Variants in FARS2 observed in about 807,000 individuals in gnomAD.
FARS2 encodes phenylalanine--tRNA ligase, mitochondrial.
In FARS2, 40 loss-of-function variants were observed where a neutral mutation model predicts 46.4. The observed-to-expected ratio is 0.86, with a 90% CI of 0.67 to 1.12. FARS2 has a LOEUF of 1.12. Ranked by LOEUF, FARS2 falls within the 50% of genes most tolerant of loss-of-function variation. The pLI, the probability that FARS2 is intolerant of heterozygous loss-of-function variation, is 0.00. For synonymous variants in FARS2, 234 were observed against 214.9 expected, an observed-to-expected ratio of 1.09 and a Z score of -0.78; for missense variants, 513 against 567.9, an observed-to-expected ratio of 0.90 and a Z score of 0.98.
chr6:5,404,472 A>G, intron 2 of FARS2, 70 bp from the exon 3 acceptor site: 1 of 1,076,316 alleles, frequency 9.3e-7, no homozygotes, highest in Non-Finnish European at 1.3e-6. Context: ...TTCTTAGCAG[A>G]ATTTTAAAGT....
At chr6:5,688,731 G>A (rs1407541806) in intron 6 of FARS2, among the ~76,000 whole-genome samples, 2 of 152,162 alleles carry the variant, frequency 1.3e-5, no homozygotes, top group Non-Finnish European at 2.9e-5. Context: ...GAGTTAGGGA[G>A]GATTCCCCCT....
At chr6:5,412,005 G>C (rs2432769) in intron 3 of FARS2, among the ~76,000 whole-genome samples, 50,361 of 152,094 alleles carry the variant, frequency 0.33, 8,965 homozygotes, top group African/African-American at 0.45. Context: ...CTAAACATTG[G>C]CATTTCCCTT....
chr6:5,627,060 C>T (rs879846512), intron 6 of FARS2, among the ~76,000 whole-genome samples: 1 of 152,226 alleles, frequency 6.6e-6, no homozygotes, highest in Non-Finnish European at 1.5e-5. Flanking sequence ...CACCGCATCA[C>T]CACAAATGCA....
chr6:5,555,118 G>A (rs1031247987), intron 5 of FARS2, among the ~76,000 whole-genome samples: 4 of 152,092 alleles, frequency 2.6e-5, no homozygotes, highest in African/African-American at 9.7e-5. Flanking sequence ...TCGTGATAGT[G>A]AGTAAGTCTC....
At chr6:5,322,405 G>C (rs1175247613) in intron 1 of FARS2, among the ~76,000 whole-genome samples, 2 of 152,184 alleles carry the variant, frequency 1.3e-5, no homozygotes, top group African/African-American at 2.4e-5. Context: ...ACAATGAAGA[G>C]TGTTTGTCCC....
At position 5,311,926 on chromosome 6, in the gene FARS2, G is replaced by A. The variant is rs1769103852; in HGVS notation, c.-22+50266G>A. ...CCTCAAGTGAATTTGCCCATTGTAG[G>A]TTTGTCTGGGGGAGTGTAAGTTAGT... On this transcript the variant is annotated intron_variant, in intron 1 of 6. Coordinates refer to ENST00000274680, the MANE Select transcript of FARS2 (RefSeq NM_006567.5). This position sits in a 1 kb window ranked among gnomAD's most constrained non-coding sequence, Gnocchi z 4.1. Among the ~76,000 whole-genome samples, 1 of 152,132 alleles carries A rather than the reference G, an allele frequency of 6.6e-6. No homozygotes were observed. The highest frequency in any genetic ancestry group is 1.5e-5 in the Non-Finnish European group (1 of 68,012).
chr6:5,652,642 A>G lies in FARS2; in HGVS notation c.1217+39322A>G, dbSNP rs1300658556. On this transcript the variant is annotated intron_variant, in intron 6 of 6. Transcript: ENST00000274680. Reference sequence around the variant, plus strand: ...TTGCCAACTTCCAGGGAAGGACAGAAAAGCAGGGGATTCTGTTGACAGAGA... The same window carrying G: ...TTGCCAACTTCCAGGGAAGGACAGAGAAGCAGGGGATTCTGTTGACAGAGA... Among the ~76,000 whole-genome samples the G allele has an allele frequency of 3.3e-5, 5 of 152,248 alleles. No homozygotes were observed. The South Asian group carries it at 8.3e-4, about 25-fold the overall frequency.
chr6:5,576,633 A>T (rs372139247), intron 5 of FARS2, among the ~76,000 whole-genome samples: 1 of 48,838 alleles, frequency 2.0e-5, no homozygotes, highest in Non-Finnish European at 4.9e-5. Context: ...TCATATATTA[A>T]CATATATATA....
chr6:5,596,389 A>G (rs376577763), intron 5 of FARS2, among the ~76,000 whole-genome samples: 62 of 152,338 alleles, frequency 4.1e-4, no homozygotes, highest in African/African-American at 1.5e-3. Flanking sequence ...CATTGTGAGA[A>G]TGGGTAAGTG....
chr6:5,299,899 C>A (rs996686366), intron 1 of FARS2, among the ~76,000 whole-genome samples: 1 of 151,788 alleles, frequency 6.6e-6, no homozygotes, highest in Admixed American at 6.6e-5. Context: ...TTCTCAGTCT[C>A]GATAGTCACA....
chr6:5,637,413 G>A (rs80246542), intron 6 of FARS2, among the ~76,000 whole-genome samples: 1,884 of 152,296 alleles, frequency 0.012, 14 homozygotes, highest in Non-Finnish European at 0.019. Flanking sequence ...CCCATGACCC[G>A]TGCAGCGTTC....
chr6:5,443,621 A>G (rs916178175), intron 4 of FARS2, among the ~76,000 whole-genome samples: 1 of 152,192 alleles, frequency 6.6e-6, no homozygotes, highest in Non-Finnish European at 1.5e-5. Context: ...AAGCATGTGG[A>G]GTGGACCCGA....
chr6:5,754,044 C>T (rs1348293545), intron 6 of FARS2, among the ~76,000 whole-genome samples: 1 of 152,204 alleles, frequency 6.6e-6, no homozygotes, highest in African/African-American at 2.4e-5. Context: ...GTGTGTTGCT[C>T]ATTAAGCAAA....
Position 5,417,713 on chromosome 6 carries a change from A to G in FARS2, c.772+13012A>G, listed in dbSNP as rs191297258. 9.9e-4 allele frequency among the ~76,000 whole-genome samples: 151 copies of G among 152,310 alleles called. 1 individual carries two copies. Among genetic ancestry groups the G allele is most frequent in the African/African-American group, 3.6e-3 (148 of 41,568 alleles). On this transcript the variant is annotated intron_variant, in intron 3 of 6. Transcript: ENST00000274680. Reference sequence around the variant, plus strand: ...AGCAGTTTGATTATGATGTACATAGATACAGTTTTCTTCAGATTTCTTATG... The same window carrying G: ...AGCAGTTTGATTATGATGTACATAGGTACAGTTTTCTTCAGATTTCTTATG...
chr6:5,319,708 C>G (rs968049642), intron 1 of FARS2, among the ~76,000 whole-genome samples: 7 of 152,120 alleles, frequency 4.6e-5, no homozygotes, highest in African/African-American at 1.7e-4. Context: ...GGAATTCTTT[C>G]TTCTGAGGAG....
intron 1 of FARS2, among the ~76,000 whole-genome samples, chr6:5,359,029 CCT>C (rs1491512671): frequency 0.28 from 20,122 of 71,390 alleles, 6,399 homozygotes; most frequent in Middle Eastern, 0.41. Context: ...GAAAAGATAC[CCT>C]TTTTTTTTTT....
At chr6:5,536,311 G>T (rs771158129) in intron 4 of FARS2, among the ~76,000 whole-genome samples, 1 of 152,094 alleles carries the variant, frequency 6.6e-6, no homozygotes. Flanking sequence ...GAATACAGGC[G>T]TGAGCCACCG....
chr6:5,608,499 CTACTG>C (rs1774976226), intron 5 of FARS2, among the ~76,000 whole-genome samples: 2 of 152,096 alleles, frequency 1.3e-5, no homozygotes, highest in Non-Finnish European at 2.9e-5. Flanking sequence ...TCTAAAGTCT[CTACTG>C]TATCTGTAGT....
intron 1 of FARS2, among the ~76,000 whole-genome samples, chr6:5,339,896 G>C (rs1342686585): frequency 4.6e-5 from 7 of 152,206 alleles, no homozygotes; most frequent in Admixed American, 3.9e-4. Flanking sequence ...TAGATGGTTG[G>C]TTCACTTTTA....
Sources: gnomAD v4.1 joint callset for allele counts (sites outside exome capture counted in the v4.1 genomes callset) on GRCh38, gnomAD v4.1.1 for gene constraint, Gnocchi (gnomAD v3.1) non-coding constraint, MANE v1.5 for transcripts, NCBI Gene and HGNC (gene_info 2026-07-23, HGNC 2026-07-21) for gene names.